The following PPARGC1A variants were observed in gnomAD, a reference collection of about 807,000 sequenced individuals.
PPARGC1A encodes the protein PPARG coactivator 1 alpha.
In PPARGC1A, 25 loss-of-function variants were observed where a neutral mutation model predicts 88.7. The observed-to-expected ratio is 0.28, with a 90% confidence interval of 0.21 to 0.39. The LOEUF (loss-of-function observed/expected upper bound fraction) is 0.39, where lower values mean the gene tolerates loss of function less well. Ranked by LOEUF, PPARGC1A falls within the 10% of genes least tolerant of loss-of-function variation. PPARGC1A has a pLI of 1.00. For synonymous variants in PPARGC1A, 363 were observed against 355.6 expected (o/e 1.02, Z -0.24); for missense variants, 880 against 968.7 (o/e 0.91, Z 1.22).
chr4:24,410,511 T>TTCAATACTGA, the PPARGC1A span, among the ~76,000 whole-genome samples: 1 of 152,234 alleles, frequency 6.6e-6, no homozygotes, highest in African/African-American at 2.4e-5. Flanking sequence ...GCTTGTGATG[T>TTCAATACTGA]TCAATACTGA....
the PPARGC1A span, among the ~76,000 whole-genome samples, chr4:23,912,373 T>C: frequency 6.6e-6 from 1 of 152,136 alleles, no homozygotes; most frequent in African/African-American, 2.4e-5. Context: ...GCCTATATCT[T>C]AGGGTCTTAT....
chr4:23,965,629 A>G, the PPARGC1A span, among the ~76,000 whole-genome samples: 1 of 152,190 alleles, frequency 6.6e-6, no homozygotes, highest in African/African-American at 2.4e-5. Context: ...AATATTTGTT[A>G]GCTACTAAGC....
At chr4:24,406,788 T>A in the PPARGC1A span, among the ~76,000 whole-genome samples, 21 of 152,272 alleles carry the variant, frequency 1.4e-4, no homozygotes, top group African/African-American at 5.1e-4. Flanking sequence ...CTAATGAGAT[T>A]GACAAGCAGT....
the PPARGC1A span, among the ~76,000 whole-genome samples, chr4:24,438,914 G>A: frequency 1.3e-5 from 2 of 151,214 alleles, no homozygotes; most frequent in Admixed American, 1.3e-4. Context: ...CCCCCAGAAT[G>A]TATTTTTTAA....
the PPARGC1A span, among the ~76,000 whole-genome samples, chr4:23,989,420 C>T: frequency 6.6e-6 from 1 of 151,918 alleles, no homozygotes; most frequent in Non-Finnish European, 1.5e-5. Context: ...TTAACCTGTG[C>T]TCTAAGTATT....
At chr4:24,308,645 T>C in the PPARGC1A span, among the ~76,000 whole-genome samples, 1 of 152,124 alleles carries the variant, frequency 6.6e-6, no homozygotes, top group Non-Finnish European at 1.5e-5. Context: ...AGGTGTCTCA[T>C]GGGTCAAGTG....
chr4:24,447,202 C>T, the PPARGC1A span, among the ~76,000 whole-genome samples: 1 of 152,186 alleles, frequency 6.6e-6, no homozygotes. Flanking sequence ...TCTGGAGAAA[C>T]AGAAGATGGC....
At chr4:24,455,661 T>C in the PPARGC1A span, among the ~76,000 whole-genome samples, 1 of 152,238 alleles carries the variant, frequency 6.6e-6, no homozygotes, top group South Asian at 2.1e-4. Flanking sequence ...CCTGCTCTCA[T>C]GAATGGATTA....
At chr4:24,360,690 A>G in the PPARGC1A span, among the ~76,000 whole-genome samples, 50,362 of 152,062 alleles carry the variant, frequency 0.33, 8,572 homozygotes, top group South Asian at 0.39. Flanking sequence ...GGTGTTGCAG[A>G]GCAGTGCCTG....
chr4:24,005,355 G>A, the PPARGC1A span, among the ~76,000 whole-genome samples: 1 of 152,164 alleles, frequency 6.6e-6, no homozygotes, highest in Non-Finnish European at 1.5e-5. Context: ...CCCGGGCATG[G>A]TTAAGAATGA....
chr4:24,316,704 G>A, the PPARGC1A span, among the ~76,000 whole-genome samples: 1 of 152,314 alleles, frequency 6.6e-6, no homozygotes, highest in East Asian at 1.9e-4. Flanking sequence ...ATCAGCTGCA[G>A]AATGGGAAGA....
the PPARGC1A span, among the ~76,000 whole-genome samples, chr4:24,222,087 G>A: frequency 2.0e-5 from 3 of 152,200 alleles, no homozygotes; most frequent in Non-Finnish European, 4.4e-5. Context: ...AAGGGCAAAA[G>A]ATATCATCAT....
upstream of PPARGC1A, among the ~76,000 whole-genome samples, chr4:23,891,636 A>G (rs1315900332): frequency 1.3e-5 from 2 of 152,212 alleles, no homozygotes; most frequent in Non-Finnish European, 1.5e-5. Flanking sequence ...TAAATTCCCA[A>G]ATAATGTAAG....
chr4:23,995,184 T>C, the PPARGC1A span, among the ~76,000 whole-genome samples: 6 of 152,054 alleles, frequency 3.9e-5, no homozygotes, highest in Admixed American at 3.9e-4. Flanking sequence ...TGGGTTTTGG[T>C]GGGTCCTGTT....
the PPARGC1A span, among the ~76,000 whole-genome samples, chr4:24,129,125 T>C: frequency 1.3e-5 from 2 of 152,208 alleles, no homozygotes; most frequent in African/African-American, 2.4e-5. Flanking sequence ...GGTGTTCTTG[T>C]CATCTGAAGC....
At chr4:24,089,509 TCTTTC>T in the PPARGC1A span, among the ~76,000 whole-genome samples, 37,635 of 97,314 alleles carry the variant, frequency 0.39, 5,879 homozygotes, top group Non-Finnish European at 0.46. Context: ...TCTTTTCTTT[TCTTTC>T]TTTTTTTTTT....
chr4:23,829,639 G>A, intron 3 of PPARGC1A, 54 bp from the exon 4 acceptor site: 2 of 1,527,720 alleles, frequency 1.3e-6, no homozygotes, highest in Non-Finnish European at 1.8e-6. Flanking sequence ...CATCTTTTAA[G>A]CATTGGAATA....
the PPARGC1A span, among the ~76,000 whole-genome samples, chr4:24,136,493 A>C: frequency 6.6e-6 from 1 of 152,184 alleles, no homozygotes; most frequent in South Asian, 2.1e-4. Context: ...GTGAAGAGCC[A>C]CAAGAATAGC....
chr4:24,380,122 T>A, the PPARGC1A span, among the ~76,000 whole-genome samples: 1 of 152,068 alleles, frequency 6.6e-6, no homozygotes, highest in Non-Finnish European at 1.5e-5. Flanking sequence ...TTTTTTTTAA[T>A]CATGGGACAT....
Sources: allele counts gnomAD v4.1 joint callset (sites outside exome capture counted in the v4.1 genomes callset), GRCh38; gene constraint gnomAD v4.1.1; transcripts MANE v1.5; gene names NCBI Gene and HGNC (gene_info 2026-07-23, HGNC 2026-07-21).